UPK1B: variants seen among roughly 807,000 people sequenced by gnomAD.
UPK1B encodes the protein uroplakin-1b.
In UPK1B, 28 loss-of-function variants were observed where a neutral mutation model predicts 34.2. The ratio of observed to expected loss-of-function variants is 0.82; its 90% CI spans 0.61 to 1.12. UPK1B has a LOEUF of 1.12. Ranked by LOEUF, UPK1B falls within the 50% of genes most tolerant of loss-of-function variation. UPK1B has a pLI of 0.00. For missense variants in UPK1B, 325 were observed against 320.9 expected (o/e 1.01, Z -0.10); for synonymous variants, 81 against 110.4 (o/e 0.73, Z 1.67).
At chr3:119,179,400 A>ATATATATATATATATAT (rs71297416) in intron 1 of UPK1B, among the ~76,000 whole-genome samples, 1 of 20,074 alleles carries the variant, frequency 5.0e-5, no homozygotes, top group Non-Finnish European at 1.5e-4. Flanking sequence ...TATATATATT[A>ATATATATATATATATAT]ATTCTAAGGA....
chr3:119,199,005 T>A, intron 6 of UPK1B, 52 bp from the exon 7 acceptor site: 1 of 1,601,676 alleles, frequency 6.2e-7, no homozygotes, highest in Admixed American at 1.7e-5. Flanking sequence ...ATCAATCTCT[T>A]CTCTGCTTTC....
rs760301948 is a variant in UPK1B at position 119,203,970 on chromosome 3, A to G, written c.*3A>G. On this transcript the variant is annotated 3_prime_UTR_variant, in exon 8 of 8. Coordinates refer to ENST00000264234, the MANE Select transcript of UPK1B (RefSeq NM_006952.4). ...ACTGGAGCAGAATTGAATATTAAGCATAAAGTGTTGCCACCATACCTCCTT... is the reference window on the plus strand; with the variant it reads ...ACTGGAGCAGAATTGAATATTAAGCGTAAAGTGTTGCCACCATACCTCCTT... 2.5e-6 allele frequency: 4 copies of G among 1,613,934 alleles called. No individual in the cohort carries two copies. In the Admixed American group the frequency reaches 5.0e-5, roughly 20 times the overall value.
chr3:119,192,615 G>A (rs936474931), intron 5 of UPK1B, among the ~76,000 whole-genome samples: 61 of 152,232 alleles, frequency 4.0e-4, no homozygotes, highest in Admixed American at 7.2e-4. Context: ...TAAGAATATA[G>A]AAGAAATTAG....
At chr3:119,203,028 A>ACC (rs2078099258) in intron 7 of UPK1B, among the ~76,000 whole-genome samples, 1 of 152,172 alleles carries the variant, frequency 6.6e-6, no homozygotes, top group Non-Finnish European at 1.5e-5. Context: ...GATGTTGCTT[A>ACC]TAACGAGATT....
At position 119,194,221 on chromosome 3, in the gene UPK1B, C is replaced by G; in HGVS notation, c.471C>G (p.Asp157Glu). The G allele has an allele frequency of 1.2e-6, 2 of 1,613,578 alleles. No individual in the cohort carries two copies. Among genetic ancestry groups the G allele is most frequent in the Non-Finnish European group, 1.7e-6 (2 of 1,179,748 alleles). ...TTGTATCTCTCATCTGCTGACAGGA[C>G]AATTGCTGTGGCGTAAATGGTCCAT... The part of the protein sequence containing the change: ...TKTWDRLMLQ[D>E]NCCGVNGPSD... Residue 157 changes from aspartate to glutamate, a missense_variant and splice_region_variant, in exon 6 of 8, where the codon GAC becomes GAG. Asp to Glu is a conservative substitution (Grantham distance 45). Transcript: ENST00000264234.
intron 1 of UPK1B, among the ~76,000 whole-genome samples, chr3:119,174,118 T>A (rs2077941610): frequency 1.3e-5 from 2 of 152,262 alleles, no homozygotes; most frequent in Non-Finnish European, 2.9e-5. Context: ...CTTGGTCTTC[T>A]TGTCAGAAAT....
intron 1 of UPK1B, among the ~76,000 whole-genome samples, chr3:119,184,681 G>A (rs569940157): frequency 1.1e-3 from 161 of 152,084 alleles, no homozygotes; most frequent in Admixed American, 1.7e-3. Flanking sequence ...AGCCAAGATC[G>A]TGCCACTGCA....
intron 1 of UPK1B, among the ~76,000 whole-genome samples, chr3:119,176,867 G>A (rs922759326): frequency 3.3e-5 from 5 of 152,242 alleles, no homozygotes; most frequent in Admixed American, 2.0e-4. Flanking sequence ...GGCTAAAAGA[G>A]AAGGCAGGAA....
chr3:119,188,645 C>G (rs2078030466), intron 3 of UPK1B, among the ~76,000 whole-genome samples: 1 of 152,226 alleles, frequency 6.6e-6, no homozygotes, highest in African/African-American at 2.4e-5. Context: ...ACAGCAAGAC[C>G]ATGCCCTGCC....
At chr3:119,196,205 G>C (rs995947881) in intron 6 of UPK1B, among the ~76,000 whole-genome samples, 3 of 151,922 alleles carry the variant, frequency 2.0e-5, no homozygotes, top group African/African-American at 7.3e-5. Flanking sequence ...AGTCCTTTCT[G>C]ATTCTCCCTA....
intron 6 of UPK1B, among the ~76,000 whole-genome samples, chr3:119,198,444 A>T (rs2078076341): frequency 6.6e-6 from 1 of 152,172 alleles, no homozygotes; most frequent in African/African-American, 2.4e-5. Flanking sequence ...TACTTACTGG[A>T]TTGTGGCATG....
At chr3:119,191,601 C>T (rs1249261342) in intron 5 of UPK1B, among the ~76,000 whole-genome samples, 1 of 152,218 alleles carries the variant, frequency 6.6e-6, no homozygotes, top group African/African-American at 2.4e-5. Context: ...CTGGCCCCTG[C>T]TCCTACTCCA....
chr3:119,184,325 A>G (rs147607453), intron 1 of UPK1B, among the ~76,000 whole-genome samples: 88 of 152,276 alleles, frequency 5.8e-4, no homozygotes, highest in African/African-American at 1.8e-3. Context: ...TTCTGGACCA[A>G]TAAAGCCCCT....
chr3:119,192,208 G>C (rs769464091), intron 5 of UPK1B, among the ~76,000 whole-genome samples: 8 of 151,822 alleles, frequency 5.3e-5, no homozygotes, highest in African/African-American at 7.3e-5. Flanking sequence ...TATTCCATTA[G>C]GACCTCCAAT....
chr3:119,174,766 C>A (rs1011664226), intron 1 of UPK1B, among the ~76,000 whole-genome samples: 1 of 151,994 alleles, frequency 6.6e-6, no homozygotes, highest in African/African-American at 2.4e-5. Flanking sequence ...TTTTCAGACC[C>A]TATGAAGAAG....
chr3:119,199,521 G>A (rs1198873290), intron 7 of UPK1B, among the ~76,000 whole-genome samples: 1 of 152,206 alleles, frequency 6.6e-6, no homozygotes, highest in Non-Finnish European at 1.5e-5. Context: ...GCCCCTGCCT[G>A]ATACTAATAT....
intron 3 of UPK1B, 32 bp from the exon 4 acceptor site, chr3:119,190,212 GT>G: frequency 1.3e-6 from 2 of 1,514,636 alleles, no homozygotes; most frequent in Non-Finnish European, 1.8e-6. Context: ...ACGGGTAAAT[GT>G]AATTCTTTTA....
At chr3:119,178,964 A>G (rs1559899880) in intron 1 of UPK1B, among the ~76,000 whole-genome samples, 1 of 152,174 alleles carries the variant, frequency 6.6e-6, no homozygotes, top group Non-Finnish European at 1.5e-5. Flanking sequence ...ATGTGCTTCT[A>G]TCAAAAATAT....
intron 1 of UPK1B, among the ~76,000 whole-genome samples, chr3:119,182,669 GAT>G (rs988399918): frequency 2.5e-4 from 38 of 152,338 alleles, no homozygotes; most frequent in African/African-American, 8.9e-4. Flanking sequence ...TTATACTACA[GAT>G]ATTAGACTAT....
Sources: allele counts gnomAD v4.1 joint callset (sites outside exome capture counted in the v4.1 genomes callset), GRCh38; gene constraint gnomAD v4.1.1; transcripts MANE v1.5; gene names NCBI Gene and HGNC (gene_info 2026-07-23, HGNC 2026-07-21).